The following RAP1GDS1 variants were observed in gnomAD, a reference collection of about 807,000 sequenced individuals.
The protein encoded by RAP1GDS1 is Rap1 GTPase-GDP dissociation stimulator 1.
In RAP1GDS1, 35 loss-of-function variants were observed where a neutral mutation model predicts 71.1. The observed-to-expected ratio is 0.49, with a 90% CI of 0.38 to 0.65. The LOEUF (loss-of-function observed/expected upper bound fraction) is 0.65. RAP1GDS1 is among the 30% of genes least tolerant of loss of function. The pLI is 0.00. For synonymous variants in RAP1GDS1, 229 were observed against 243.1 expected (o/e 0.94, Z 0.54); for missense variants, 663 against 706.1 (o/e 0.94, Z 0.69).
intron 7 of RAP1GDS1, among the ~76,000 whole-genome samples, chr4:98,415,630 T>C (rs778152844): frequency 1.9e-4 from 29 of 152,196 alleles, no homozygotes; most frequent in Non-Finnish European, 3.4e-4. Flanking sequence ...GAAAGAATAC[T>C]TAAAGATATT....
chr4:98,409,681 C>A (rs933002196), intron 7 of RAP1GDS1: 1 of 392,950 alleles, frequency 2.5e-6, no homozygotes, highest in Non-Finnish European at 5.1e-6. Flanking sequence ...ACAGTCTGTT[C>A]CACCTAGAGA....
intron 3 of RAP1GDS1, among the ~76,000 whole-genome samples, chr4:98,347,807 A>G (rs1421826488): frequency 1.3e-5 from 2 of 152,162 alleles, no homozygotes; most frequent in Non-Finnish European, 2.9e-5. Context: ...CCTTCAAAGT[A>G]GACCATCTTT....
intron 12 of RAP1GDS1, among the ~76,000 whole-genome samples, chr4:98,425,324 T>TA (rs899051566): frequency 1.4e-4 from 21 of 149,772 alleles, no homozygotes; most frequent in Non-Finnish European, 2.2e-4. Context: ...AAAATACAAT[T>TA]AAAAAAAAAG....
intron 3 of RAP1GDS1, among the ~76,000 whole-genome samples, chr4:98,345,226 T>C (rs1736052685): frequency 1.3e-5 from 2 of 152,168 alleles, no homozygotes; most frequent in Non-Finnish European, 2.9e-5. Context: ...TTTTTAGAAA[T>C]TGACGATGAA....
At chr4:98,413,144 G>A (rs183461456) in intron 7 of RAP1GDS1, among the ~76,000 whole-genome samples, 8 of 151,914 alleles carry the variant, frequency 5.3e-5, no homozygotes, top group South Asian at 2.1e-4. Context: ...TATCTCAACC[G>A]CATAAGACAG....
chr4:98,370,989 A>C (rs940929410), intron 4 of RAP1GDS1, among the ~76,000 whole-genome samples: 1 of 152,224 alleles, frequency 6.6e-6, no homozygotes, highest in African/African-American at 2.4e-5. Flanking sequence ...GCCTAAGTTA[A>C]AACTTAATAA....
chr4:98,330,448 ACTC>A (rs1405658272), intron 2 of RAP1GDS1, among the ~76,000 whole-genome samples: 2 of 133,718 alleles, frequency 1.5e-5, no homozygotes, highest in African/African-American at 5.7e-5. Context: ...GGGCAGAGGC[ACTC>A]CTCACTTCCC....
intron 2 of RAP1GDS1, among the ~76,000 whole-genome samples, chr4:98,320,362 A>G (rs916824295): frequency 6.6e-5 from 10 of 152,186 alleles, no homozygotes; most frequent in Non-Finnish European, 1.3e-4. Context: ...TTGTAGCCAG[A>G]GTATCTGGAG....
chr4:98,303,807 G>A (rs928825252), intron 2 of RAP1GDS1, among the ~76,000 whole-genome samples: 3 of 151,952 alleles, frequency 2.0e-5, no homozygotes, highest in Non-Finnish European at 2.9e-5. Flanking sequence ...CTTCACCTAG[G>A]TATTAAGCCC....
chr4:98,386,918 C>A (rs1398261735), intron 5 of RAP1GDS1, among the ~76,000 whole-genome samples: 1 of 152,024 alleles, frequency 6.6e-6, no homozygotes, highest in East Asian at 1.9e-4. Context: ...ATTTTCATAT[C>A]CTTTTTTGGA....
rs1452539243 is a variant in RAP1GDS1 at position 98,343,469 on chromosome 4, T to A, written c.235+208T>A. 1.0e-5 allele frequency: 6 copies of A among 572,776 alleles called. No individual in the cohort carries two copies. The East Asian group carries it at 2.2e-4, about 21-fold the overall frequency. 35.5% of individuals were successfully genotyped at this position (572,776 alleles called of 1,614,324 possible). A position where few individuals can be genotyped will look rare whatever the true frequency, so the allele number is the denominator to read the frequency against. On this transcript the variant is annotated intron_variant, in intron 3 of 14. Transcript: ENST00000408927. ...GTCCCATCTGATAACCCATTCCTTC[T>A]CAGTAGAATTATGGGAAAGCTCTGC...
intron 5 of RAP1GDS1, among the ~76,000 whole-genome samples, chr4:98,383,873 G>A (rs1390704609): frequency 2.0e-5 from 3 of 151,410 alleles, no homozygotes; most frequent in African/African-American, 7.3e-5. Flanking sequence ...ACTTTATTAC[G>A]GGTGAAAAAG....
rs1721960611 is a variant in RAP1GDS1 at position 98,261,513 on chromosome 4, C to G, written c.-53C>G. ...AGGGAGGACACAGAGCCGCGCCGCC[C>G]GCACCACAGACCTTCGCCTCGCCCC... On this transcript the variant is annotated 5_prime_UTR_variant, in exon 1 of 15. Transcript: ENST00000408927. The G allele has an allele frequency of 1.9e-6, 3 of 1,574,738 alleles. No individual in the cohort carries two copies. Among genetic ancestry groups the G allele is most frequent in the African/African-American group, 1.4e-5 (1 of 73,048 alleles).
intron 12 of RAP1GDS1, among the ~76,000 whole-genome samples, chr4:98,429,270 A>AG (rs1374304896): frequency 6.6e-6 from 1 of 151,724 alleles, no homozygotes; most frequent in African/African-American, 2.4e-5. Flanking sequence ...AAAAAAAAAA[A>AG]AAAGAAAAGA....
chr4:98,420,438 T>A (rs1362550802), intron 11 of RAP1GDS1, among the ~76,000 whole-genome samples: 1 of 152,052 alleles, frequency 6.6e-6, no homozygotes, highest in Non-Finnish European at 1.5e-5. Context: ...CGACCTCAGC[T>A]CACCGCAACT....
At chr4:98,339,533 T>A (rs966502026) in intron 2 of RAP1GDS1, among the ~76,000 whole-genome samples, 6 of 152,200 alleles carry the variant, frequency 3.9e-5, no homozygotes, top group South Asian at 4.2e-4. Context: ...CTTTTTTTTT[T>A]AAACAAGACT....
chr4:98,422,661 G>GA (rs763789145), intron 12 of RAP1GDS1, among the ~76,000 whole-genome samples: 2 of 152,196 alleles, frequency 1.3e-5, no homozygotes, highest in Non-Finnish European at 2.9e-5. Flanking sequence ...GATGCCAAGA[G>GA]AAAAAACGTA....
At chr4:98,407,794 C>T (rs554251605) in intron 7 of RAP1GDS1, among the ~76,000 whole-genome samples, 1 of 151,636 alleles carries the variant, frequency 6.6e-6, no homozygotes, top group African/African-American at 2.4e-5. Flanking sequence ...ATCCATGTAA[C>T]CAAAAACCAC....
chr4:98,429,196 T>C (rs1371734057), intron 12 of RAP1GDS1, among the ~76,000 whole-genome samples: 1 of 149,470 alleles, frequency 6.7e-6, no homozygotes, highest in East Asian at 2.0e-4. Context: ...AGGTGGAGCT[T>C]GCAGTGAGCC....
Sources: allele counts gnomAD v4.1 joint callset (sites outside exome capture counted in the v4.1 genomes callset), GRCh38; gene constraint gnomAD v4.1.1; transcripts MANE v1.5; gene names NCBI Gene and HGNC (gene_info 2026-07-23, HGNC 2026-07-21).